PTPRF: variants seen among roughly 807,000 people sequenced by gnomAD.
The protein encoded by PTPRF is receptor-type tyrosine-protein phosphatase F.
PTPRF carries 59 observed loss-of-function variants against 201.8 expected under a neutral mutation model. The ratio of observed to expected loss-of-function variants is 0.29; its 90% confidence interval spans 0.24 to 0.36. The LOEUF (loss-of-function observed/expected upper bound fraction) is 0.36. Among genes scored for constraint, PTPRF ranks in the 10% least tolerant of loss-of-function variants. The pLI, the probability that PTPRF is intolerant of heterozygous loss-of-function variation, is 1.00. For synonymous variants in PTPRF, 1,088 were observed against 1,089.7 expected (o/e 1.00, Z 0.03); for missense variants, 2,132 against 2,690.5 (o/e 0.79, Z 4.59).
chr1:43,604,850 A>T (rs967866379), intron 16 of PTPRF, 53 bp from the exon 17 acceptor site: 2 of 1,509,792 alleles, frequency 1.3e-6, no homozygotes, highest in Non-Finnish European at 1.8e-6. Flanking sequence ...CTTCCAGCCC[A>T]TTCACCCCAC....
chr1:43,547,009 A>C (rs1644721921), intron 3 of PTPRF, among the ~76,000 whole-genome samples: 1 of 152,026 alleles, frequency 6.6e-6, no homozygotes. Context: ...TTCCTTCCTA[A>C]TCCATTCTGC....
chr1:43,615,570 TTTTTTTTTTTTC>T (rs1557863102), intron 23 of PTPRF, among the ~76,000 whole-genome samples: 23 of 125,306 alleles, frequency 1.8e-4, no homozygotes, highest in African/African-American at 6.0e-4. Context: ...TTTTTTTTTT[TTTTTTTTTTTTC>T]TTTTTTGGAA....
chr1:43,588,846 G>T lies in PTPRF; in HGVS notation c.795G>T (p.Trp265Cys). The T allele has an allele frequency of 6.2e-7, 1 of 1,614,136 alleles. No individual in the cohort carries two copies. Among genetic ancestry groups the T allele is most frequent in the Non-Finnish European group, 8.5e-7 (1 of 1,180,030 alleles). ...GTGCACCCATGCCCTACGTGAAGTG[G>T]ATGATGGGGGCCGAGGAGCTCACCA... ...AVGAPMPYVK[W>C]MMGAEELTKE... Residue 265 changes from tryptophan (W) to cysteine (C), a missense_variant, in exon 8 of 34, where the codon TGG becomes TGT. Trp to Cys is a radical substitution (Grantham distance 215). Around this residue, in one of 6 missense-constraint regions of PTPRF, gnomAD observed 297 missense variants for 454.0 expected, o/e 0.65. Coordinates refer to ENST00000359947, the MANE Select transcript of PTPRF (RefSeq NM_002840.5). This position sits in a 1 kb window ranked among gnomAD's most constrained non-coding sequence, Gnocchi z 5.3.
At chr1:43,584,805 C>T (rs1648690723) in intron 7 of PTPRF, among the ~76,000 whole-genome samples, 1 of 152,108 alleles carries the variant, frequency 6.6e-6, no homozygotes, top group Admixed American at 6.5e-5. Flanking sequence ...TGGATCCTGC[C>T]CCTCATCCCC....
intron 11 of PTPRF, among the ~76,000 whole-genome samples, chr1:43,596,897 AGT>A (rs1436276022): frequency 2.0e-5 from 3 of 152,150 alleles, no homozygotes; most frequent in South Asian, 2.1e-4. Context: ...TGTGTGTGAG[AGT>A]GTGTGTCAGA....
chr1:43,557,837 CAT>C (rs1165568659), intron 5 of PTPRF, among the ~76,000 whole-genome samples: 1 of 152,134 alleles, frequency 6.6e-6, no homozygotes, highest in Non-Finnish European at 1.5e-5. Context: ...GCTTCTGAAA[CAT>C]AGCACCAGGA....
At chr1:43,543,750 C>T (rs1644489834) in intron 2 of PTPRF, among the ~76,000 whole-genome samples, 3 of 152,032 alleles carry the variant, frequency 2.0e-5, no homozygotes, top group Middle Eastern at 3.4e-3. Context: ...TGTGGGTCAG[C>T]GGGGACCTGG....
At position 43,592,444 on chromosome 1, in the gene PTPRF, C is replaced by T. The variant is rs1416459532; in HGVS notation, c.1669-13C>T. On this transcript the variant is annotated splice_polypyrimidine_tract_variant and intron_variant, in intron 10 of 33. Coordinates refer to ENST00000359947, the MANE Select transcript of PTPRF (RefSeq NM_002840.5). ...GCTCAGAGCTGTCAGTGAGTGCTCC[C>T]TGCTCTTCCCAGCACAAGGTGACCT... 2.5e-6 allele frequency: 4 copies of T among 1,598,486 alleles called. No individual in the cohort carries two copies. Among genetic ancestry groups the T allele is most frequent in the South Asian group, 1.1e-5 (1 of 88,332 alleles).
intron 5 of PTPRF, among the ~76,000 whole-genome samples, chr1:43,563,854 G>C (rs552606792): frequency 6.6e-6 from 1 of 152,256 alleles, no homozygotes; most frequent in African/African-American, 2.4e-5. Context: ...AGTCCAGTGT[G>C]GGCCCGAGTC....
Position 43,602,110 on chromosome 1 carries a change from T to G in PTPRF, c.2340+13T>G. ...GTCCGAGGACTATGTAAGTAACAGG[T>G]GTGCGAACGCGGACAAGACATGGGT... On this transcript the variant is annotated intron_variant, in intron 14 of 33. Coordinates refer to ENST00000359947, the MANE Select transcript of PTPRF (RefSeq NM_002840.5). 6.2e-7 allele frequency: 1 copy of G among 1,612,046 alleles called. No homozygotes were observed. The highest frequency in any genetic ancestry group is 8.5e-7 in the Non-Finnish European group (1 of 1,178,094).
rs1557826822 is a variant in PTPRF at position 43,603,411 on chromosome 1, C to T, written c.2341-5C>T. ...GATGGGAACGAACCCCTCCTCCTCC[C>T]TCAGGAAACCACTATCAGCGGCCTG... On this transcript the variant is annotated splice_region_variant and splice_polypyrimidine_tract_variant and intron_variant, in intron 14 of 33. Coordinates refer to ENST00000359947, the MANE Select transcript of PTPRF (RefSeq NM_002840.5). This position sits in a 1 kb window ranked among gnomAD's most constrained non-coding sequence, Gnocchi z 5.8. The T allele has an allele frequency of 1.2e-6, 2 of 1,613,256 alleles. No homozygotes were observed. The highest frequency in any genetic ancestry group is 1.7e-6 in the Non-Finnish European group (2 of 1,179,210).
At chr1:43,620,681 G>A (rs1285232900) in intron 31 of PTPRF, 102 bp downstream of exon 31, 26 of 1,545,612 alleles carry the variant, frequency 1.7e-5, no homozygotes, top group East Asian at 1.6e-4. Flanking sequence ...AATCTGAGGC[G>A]GTGGGTGGGT....
chr1:43,560,611 C>T (rs1000096127), intron 5 of PTPRF, among the ~76,000 whole-genome samples: 2 of 152,108 alleles, frequency 1.3e-5, no homozygotes, highest in African/African-American at 4.8e-5. Context: ...TGTGTCTGGG[C>T]TCATTGTCTC....
chr1:43,562,997 G>A (rs1390209015), intron 5 of PTPRF, among the ~76,000 whole-genome samples: 1 of 151,722 alleles, frequency 6.6e-6, no homozygotes, highest in Non-Finnish European at 1.5e-5. Flanking sequence ...GGCCAACATA[G>A]TGAAACCCCG....
intron 9 of PTPRF, 59 bp from the exon 10 acceptor site, chr1:43,591,753 C>T (rs1650815563): frequency 1.9e-6 from 3 of 1,597,198 alleles, no homozygotes; most frequent in African/African-American, 1.3e-5. Flanking sequence ...CTCCCTCCTC[C>T]CTGGGCACCC....
At chr1:43,589,257 G>GT (rs933654971) in intron 8 of PTPRF, among the ~76,000 whole-genome samples, 4 of 152,002 alleles carry the variant, frequency 2.6e-5, no homozygotes, top group East Asian at 3.8e-4. Flanking sequence ...AGTTGATTTT[G>GT]TTTTTTTCTG....
intron 17 of PTPRF, 60 bp from the exon 18 acceptor site, chr1:43,605,130 T>C (rs1015026834): frequency 1.9e-6 from 3 of 1,575,926 alleles, no homozygotes; most frequent in Admixed American, 3.4e-5. Context: ...CACTGTGCCT[T>C]GCAGCCCGTG....
intron 12 of PTPRF, chr1:43,598,510 G>T: frequency 1.8e-6 from 1 of 566,728 alleles, no homozygotes. Flanking sequence ...TGGGCCAGAG[G>T]GGTGGGCAGG....
At chr1:43,549,579 G>A (rs75894807) in intron 3 of PTPRF, among the ~76,000 whole-genome samples, 4,463 of 152,282 alleles carry the variant, frequency 0.029, 230 homozygotes, top group African/African-American at 0.1. Flanking sequence ...AAGAAGCCGG[G>A]TGTGGTGGCT....
Sources: gnomAD v4.1 joint callset for allele counts (sites outside exome capture counted in the v4.1 genomes callset) on GRCh38, gnomAD v4.1.1 for gene constraint, gnomAD v4.1.1 regional missense constraint, Gnocchi (gnomAD v3.1) non-coding constraint, MANE v1.5 for transcripts, NCBI Gene and HGNC (gene_info 2026-07-23, HGNC 2026-07-21) for gene names.